The following PTK2B variants were observed in gnomAD, a reference collection of about 807,000 sequenced individuals.
The protein encoded by PTK2B is protein-tyrosine kinase 2-beta.
PTK2B carries 71 observed loss-of-function variants against 142.9 expected under a neutral mutation model. The ratio of observed to expected loss-of-function variants is 0.50; its 90% CI spans 0.41 to 0.61. The LOEUF (loss-of-function observed/expected upper bound fraction) is 0.61, where lower values mean the gene tolerates loss of function less well. Ranked by LOEUF, PTK2B falls within the 20% of genes least tolerant of loss-of-function variation. The probability of loss-of-function intolerance (pLI) is 0.00; values close to 1 mark genes in which losing one functional copy is unlikely to be tolerated. For synonymous variants in PTK2B, 519 were observed against 503.4 expected, an observed-to-expected ratio of 1.03 and a Z score of -0.42; for missense variants, 1,105 against 1,320.4, an observed-to-expected ratio of 0.84 and a Z score of 2.53.
chr8:27,353,839 C>T (rs1231971919), intron 1 of PTK2B, among the ~76,000 whole-genome samples: 1 of 152,204 alleles, frequency 6.6e-6, no homozygotes, highest in Non-Finnish European at 1.5e-5. Flanking sequence ...CAGAAATGGG[C>T]CTGCTATTGA....
intron 1 of PTK2B, among the ~76,000 whole-genome samples, chr8:27,359,417 T>C (rs947727783): frequency 3.9e-5 from 6 of 152,152 alleles, no homozygotes; most frequent in African/African-American, 1.4e-4. Flanking sequence ...CACCTGGCCT[T>C]GCAAATATAC....
At chr8:27,455,502 TCATACCACTG>T (rs1188324959) in intron 30 of PTK2B, among the ~76,000 whole-genome samples, 1 of 152,090 alleles carries the variant, frequency 6.6e-6, no homozygotes, top group Non-Finnish European at 1.5e-5. Context: ...TGAGCCATGG[TCATACCACTG>T]CACTCCAGCC....
At chr8:27,348,493 G>A (rs1460732085) in intron 1 of PTK2B, among the ~76,000 whole-genome samples, 1 of 152,050 alleles carries the variant, frequency 6.6e-6, no homozygotes, top group African/African-American at 2.4e-5. Context: ...TGATGCCGTC[G>A]CCTAGTAACG....
chr8:27,443,003 C>T lies in PTK2B; in HGVS notation c.2148+20C>T. 1 of 1,592,286 alleles carries T rather than the reference C, an allele frequency of 6.3e-7. No homozygotes were observed. The highest frequency in any genetic ancestry group is 8.6e-7 in the Non-Finnish European group (1 of 1,160,524). ...CCCAAGGTAAGCCAAGCCATGGCCT[C>T]ATAAGTCCTGTGAGTCAAAGCAAAG... On this transcript the variant is annotated intron_variant, in intron 22 of 30. Coordinates refer to ENST00000346049, the MANE Select transcript of PTK2B (RefSeq NM_173176.3).
chr8:27,430,805 C>A (rs1421589060), intron 7 of PTK2B, 71 bp from the exon 8 acceptor site: 6 of 1,556,128 alleles, frequency 3.9e-6, no homozygotes, highest in Non-Finnish European at 4.4e-6. Context: ...AGTCTCTCAG[C>A]GAGACCCTAA....
intron 5 of PTK2B, among the ~76,000 whole-genome samples, chr8:27,424,264 T>C (rs1356520803): frequency 2.6e-5 from 4 of 152,214 alleles, no homozygotes; most frequent in African/African-American, 9.7e-5. Context: ...CATTCTATTT[T>C]ATTTTATTAT....
intron 2 of PTK2B, among the ~76,000 whole-genome samples, chr8:27,418,556 C>T (rs1380919814): frequency 6.6e-6 from 1 of 152,136 alleles, no homozygotes; most frequent in Non-Finnish European, 1.5e-5. Context: ...ACCTATTATG[C>T]ATTATTTGGT....
At chr8:27,430,743 T>A in intron 7 of PTK2B, 133 bp from the exon 8 acceptor site, 1 of 1,307,374 alleles carries the variant, frequency 7.6e-7, no homozygotes, top group Non-Finnish European at 1.1e-6. Context: ...AGGTCATAGA[T>A]CACAGCTGCT....
chr8:27,310,803 G>A (rs1303392795), upstream of PTK2B: 1 of 1,583,762 alleles, frequency 6.3e-7, no homozygotes, highest in African/African-American at 1.3e-5. Flanking sequence ...GCTCTTACCC[G>A]AAAGTCGTGG....
At chr8:27,381,446 T>C (rs1807014830) in intron 1 of PTK2B, among the ~76,000 whole-genome samples, 1 of 152,246 alleles carries the variant, frequency 6.6e-6, no homozygotes, top group African/African-American at 2.4e-5. Flanking sequence ...TTTCTCTTTC[T>C]GTGCCTGACT....
intron 1 of PTK2B, among the ~76,000 whole-genome samples, chr8:27,334,770 C>T (rs749179694): frequency 2.5e-4 from 38 of 152,162 alleles, no homozygotes; most frequent in Non-Finnish European, 4.3e-4. Context: ...CAGCCAGTTG[C>T]AACTAGAATA....
At chr8:27,324,756 C>G (rs1449010729), upstream of PTK2B, among the ~76,000 whole-genome samples, 2 of 152,196 alleles carry the variant, frequency 1.3e-5, no homozygotes, top group East Asian at 3.8e-4. Flanking sequence ...GAGGATGATG[C>G]TGCGTACACT....
intron 12 of PTK2B, 124 bp downstream of exon 12, chr8:27,434,256 A>G (rs957692236): frequency 7.8e-7 from 1 of 1,289,282 alleles, no homozygotes; most frequent in African/African-American, 1.5e-5. Flanking sequence ...AGAACCCTGA[A>G]AAAAGATGAT....
At chr8:27,412,254 T>C (rs755520294) in intron 2 of PTK2B, among the ~76,000 whole-genome samples, 1 of 152,192 alleles carries the variant, frequency 6.6e-6, no homozygotes, top group Non-Finnish European at 1.5e-5. Context: ...GCTGATACCA[T>C]GTGGCTCAAA....
intron 1 of PTK2B, among the ~76,000 whole-genome samples, chr8:27,357,484 C>G (rs1331870446): frequency 6.6e-6 from 1 of 152,220 alleles, no homozygotes; most frequent in Non-Finnish European, 1.5e-5. Context: ...TCTTGCAAAT[C>G]TCCAGTGCAG....
Position 27,394,208 on chromosome 8 carries a change from G to A in PTK2B, c.-37-3340G>A, listed in dbSNP as rs79192943. ...TCCTGGTTCCTAGAGTTTCCAGCAG[G>A]ATTAAATGGCAGTTGCCCAAGTGAT... On this transcript the variant is annotated intron_variant, in intron 1 of 30. Coordinates refer to ENST00000346049, the MANE Select transcript of PTK2B (RefSeq NM_173176.3). Among the ~76,000 whole-genome samples, 932 of 152,252 alleles carry A rather than the reference G, an allele frequency of 6.1e-3. 11 individuals carry two copies. The highest frequency in any genetic ancestry group is 0.022 in the African/African-American group (903 of 41,512).
intron 1 of PTK2B, among the ~76,000 whole-genome samples, chr8:27,327,859 C>T (rs1262742197): frequency 6.6e-6 from 1 of 152,152 alleles, no homozygotes; most frequent in East Asian, 1.9e-4. Context: ...GGGAGGATCC[C>T]TGATAATGTA....
chr8:27,379,328 A>T (rs1188561932), intron 1 of PTK2B, among the ~76,000 whole-genome samples: 2 of 152,068 alleles, frequency 1.3e-5, no homozygotes, highest in Non-Finnish European at 2.9e-5. Context: ...TGAGCTTTGA[A>T]CTCCTAGGCC....
intron 4 of PTK2B, 64 bp downstream of exon 4, chr8:27,420,808 C>T (rs754496172): frequency 4.9e-6 from 7 of 1,421,376 alleles, no homozygotes; most frequent in Middle Eastern, 1.7e-4. Context: ...AAGCATGAAC[C>T]GTTCTCTCCT....
Sources: allele counts gnomAD v4.1 joint callset (sites outside exome capture counted in the v4.1 genomes callset), GRCh38; gene constraint gnomAD v4.1.1; transcripts MANE v1.5; gene names NCBI Gene and HGNC (gene_info 2026-07-23, HGNC 2026-07-21).